CHD9: variants seen among roughly 807,000 people sequenced by gnomAD.
The protein encoded by CHD9 is ATP-dependent chromatin remodeler CHD9.
CHD9 carries 77 observed loss-of-function variants against 316.1 expected under a neutral mutation model. That is an observed-to-expected ratio of 0.24 (90% CI 0.20 to 0.29). CHD9 has a LOEUF of 0.29. Ranked by LOEUF, CHD9 falls within the 10% of genes least tolerant of loss-of-function variation. The pLI is 1.00. For synonymous variants in CHD9, 1,129 were observed against 1,158.3 expected (o/e 0.97, Z 0.51); for missense variants, 2,763 against 3,438.1 (o/e 0.80, Z 4.91).
At chr16:53,107,055 C>T (rs995307603) in intron 1 of CHD9, among the ~76,000 whole-genome samples, 10 of 152,180 alleles carry the variant, frequency 6.6e-5, no homozygotes, top group Non-Finnish European at 1.3e-4. Flanking sequence ...TGTAGTCACC[C>T]TCACCATCTA....
At chr16:53,191,161 T>G (rs765808053) in intron 2 of CHD9, among the ~76,000 whole-genome samples, 8 of 152,164 alleles carry the variant, frequency 5.3e-5, no homozygotes, top group Non-Finnish European at 1.0e-4. Context: ...TAGATTAGTT[T>G]TGCCTGTTTT....
chr16:53,222,802 T>G (rs1257570165), intron 4 of CHD9, 47 bp downstream of exon 4: 2 of 870,542 alleles, frequency 2.3e-6, no homozygotes, highest in South Asian at 3.2e-5. Context: ...TTAGAATGAT[T>G]TAGTTAGCAT....
intron 4 of CHD9, 52 bp downstream of exon 4, chr16:53,222,807 T>C: frequency 2.4e-6 from 2 of 827,322 alleles, no homozygotes; most frequent in Non-Finnish European, 3.9e-6. Flanking sequence ...ATGATTTAGT[T>C]AGCATAATAT....
intron 1 of CHD9, among the ~76,000 whole-genome samples, chr16:53,091,004 C>A (rs779560279): frequency 1.4e-5 from 2 of 145,006 alleles, no homozygotes; most frequent in Admixed American, 6.7e-5. Context: ...ACAGCTCACC[C>A]CCCCCCGACT....
At position 53,183,837 on chromosome 16, in the gene CHD9, G is replaced by A. The variant is rs535246895; in HGVS notation, c.1453-25645G>A. Among the ~76,000 whole-genome samples the A allele has an allele frequency of 3.9e-5, 6 of 152,152 alleles. No homozygotes were observed. The South Asian group carries it at 1.2e-3, about 32-fold the overall frequency. On this transcript the variant is annotated intron_variant, in intron 2 of 38. Coordinates refer to ENST00000447540, the MANE Select transcript of CHD9 (RefSeq NM_001308319.2). ...GCTACTTAACAGCCATGTAACCTTG[G>A]GCATGTTTGTTAATCTTTCCAAACT... is the stretch of plus-strand genomic sequence containing the variant.
intron 10 of CHD9, among the ~76,000 whole-genome samples, chr16:53,232,090 C>T (rs1325098510): frequency 6.6e-6 from 1 of 152,138 alleles, no homozygotes; most frequent in Non-Finnish European, 1.5e-5. Flanking sequence ...TAACTATTTT[C>T]TGATCTTCCT....
chr16:53,072,663 A>G (rs897297638), intron 1 of CHD9, among the ~76,000 whole-genome samples: 3 of 151,914 alleles, frequency 2.0e-5, no homozygotes, highest in African/African-American at 4.8e-5. Context: ...GGTATGAGCC[A>G]CTATGCCCAG....
rs35017419 is a variant in CHD9, at chr16:53,117,407, A to AATAT, written c.-164-38502_-164-38499dup. ...CCACAGACATTCAGTTCTCTGACGT[A>AATAT]ATATATATATATATATATATTTTTG... On this transcript the variant is annotated intron_variant, in intron 1 of 38. Transcript: ENST00000447540. 9.0e-3 allele frequency among the ~76,000 whole-genome samples: 1,330 copies of AATAT among 148,584 alleles called. 6 individuals carry two copies. The highest frequency in any genetic ancestry group is 0.016 in the African/African-American group (638 of 40,310).
intron 3 of CHD9, among the ~76,000 whole-genome samples, chr16:53,211,731 C>CTT (rs10634700): frequency 0.31 from 47,109 of 151,752 alleles, 7,434 homozygotes; most frequent in Middle Eastern, 0.39. Flanking sequence ...AAAACAGTGT[C>CTT]AATCATTTAT....
intron 23 of CHD9, 98 bp downstream of exon 23, chr16:53,273,883 A>T: frequency 9.0e-7 from 1 of 1,113,628 alleles, no homozygotes; most frequent in Non-Finnish European, 1.3e-6. Flanking sequence ...CAGAGACAGC[A>T]TGGTCTAGGG....
At chr16:53,281,615 A>T (rs745908823) in intron 24 of CHD9, among the ~76,000 whole-genome samples, 4 of 152,162 alleles carry the variant, frequency 2.6e-5, no homozygotes, top group Non-Finnish European at 5.9e-5. Context: ...TCTTAGAATA[A>T]AATTCAAATT....
intron 3 of CHD9, among the ~76,000 whole-genome samples, chr16:53,219,194 A>T (rs2047019833): frequency 6.6e-6 from 1 of 152,168 alleles, no homozygotes; most frequent in Non-Finnish European, 1.5e-5. Flanking sequence ...ACTTGCACTG[A>T]TAGGGTTACG....
Position 53,156,015 on chromosome 16 carries a change from A to G in CHD9, c.-75A>G. 7.2e-7 allele frequency: 1 copy of G among 1,387,248 alleles called. No individual in the cohort carries two copies. Among genetic ancestry groups the G allele is most frequent in the South Asian group, 1.5e-5 (1 of 68,960 alleles). The allele number at this position is 1,387,248 out of a possible 1,614,324, so 85.9% of individuals were successfully genotyped here. On this transcript the variant is annotated 5_prime_UTR_variant, in exon 2 of 39. Coordinates refer to ENST00000447540, the MANE Select transcript of CHD9 (RefSeq NM_001308319.2). ...AGTTGATGACCTTCGGAAATGATCC[A>G]ATAATATCTACTATAGAGAAGCTGA...
Position 53,274,279 on chromosome 16 carries a change from A to G in CHD9, c.4944A>G (p.Lys1648=). ...AAGTTATTGGAAATGAGTGTCAGAA[A>G]GTATTTGATGGAGTTGATGCAAGGT... ...KQEVIGNECQ[K]VFDGVDASDI... is the part of the protein sequence containing the mutation. Residue 1648 remains lysine (K), a synonymous_variant, in exon 24 of 39, where the codon AAA becomes AAG. Coordinates refer to ENST00000447540, the MANE Select transcript of CHD9 (RefSeq NM_001308319.2). 6.3e-7 allele frequency: 1 copy of G among 1,594,444 alleles called. No homozygotes were observed. Among genetic ancestry groups the G allele is most frequent in the Non-Finnish European group, 8.5e-7 (1 of 1,171,476 alleles).
At chr16:53,126,762 T>G (rs1248272906) in intron 1 of CHD9, among the ~76,000 whole-genome samples, 1 of 152,072 alleles carries the variant, frequency 6.6e-6, no homozygotes. Flanking sequence ...CACTGCAACC[T>G]CCGCCTCCCA....
intron 1 of CHD9, among the ~76,000 whole-genome samples, chr16:53,061,515 G>A (rs191271831): frequency 6.6e-6 from 1 of 152,294 alleles, no homozygotes. Flanking sequence ...AGGAAGCCCA[G>A]TGAGAGTGAA....
At chr16:53,321,989 T>G (rs2057300891) in intron 38 of CHD9, among the ~76,000 whole-genome samples, 1 of 144,248 alleles carries the variant, frequency 6.9e-6, no homozygotes, top group Non-Finnish European at 1.5e-5. Flanking sequence ...ATTTTTTTTC[T>G]TTTTCTTTTT....
chr16:53,306,280 G>T lies in CHD9; in HGVS notation c.6663G>T (p.Ala2221=). ...HMKAYDEESV[A]SLSTTQDETQ... ...AAGCCTATGATGAAGAAAGCGTCGC[G>T]TCACTGAGCACTACCCAGGATGAGA... The change falls in exon 32 of 39, where the codon GCG becomes GCT. Residue 2221 remains alanine, a synonymous_variant. Coordinates refer to ENST00000447540, the MANE Select transcript of CHD9 (RefSeq NM_001308319.2). The T allele has an allele frequency of 6.3e-7, 1 of 1,597,934 alleles. No individual in the cohort carries two copies. The highest frequency in any genetic ancestry group is 8.5e-7 in the Non-Finnish European group (1 of 1,173,598).
chr16:53,072,698 T>TA lies in CHD9; in HGVS notation c.-165+17621_-165+17622insA, dbSNP rs201368711. ...GCCTATAACTTTTTATTTTTTTATT[T>TA]TTTTTATTTTTTTTTGAGACAGAGT... On this transcript the variant is annotated intron_variant, in intron 1 of 38. Transcript: ENST00000447540. 2.2e-3 allele frequency among the ~76,000 whole-genome samples: 331 copies of TA among 151,688 alleles called. 3 individuals are homozygous for TA. Among genetic ancestry groups the TA allele is most frequent in the African/African-American group, 6.9e-3 (283 of 41,144 alleles).
Sources: allele counts gnomAD v4.1 joint callset (sites outside exome capture counted in the v4.1 genomes callset), GRCh38; gene constraint gnomAD v4.1.1; transcripts MANE v1.5; gene names NCBI Gene and HGNC (gene_info 2026-07-23, HGNC 2026-07-21).